Variants in FBXO27 observed in about 807,000 individuals in gnomAD.
FBXO27 encodes F-box only protein 27.
In FBXO27, 28 loss-of-function variants were observed where a neutral mutation model predicts 28.3. The ratio of observed to expected loss-of-function variants is 0.99; its 90% CI spans 0.73 to 1.36. The LOEUF is 1.36. Among genes scored for constraint, FBXO27 ranks in the 40% most tolerant of loss-of-function variants. The probability of loss-of-function intolerance (pLI) is 0.00; values close to 1 mark genes in which losing one functional copy is unlikely to be tolerated. For missense variants in FBXO27, 388 were observed against 394.1 expected, an observed-to-expected ratio of 0.98 and a Z score of 0.13; for synonymous variants, 175 against 167.3, an observed-to-expected ratio of 1.05 and a Z score of -0.36.
At chr19:39,028,815 A>G (rs2072886824) in intron 4 of FBXO27, among the ~76,000 whole-genome samples, 1 of 152,108 alleles carries the variant, frequency 6.6e-6, no homozygotes, top group African/African-American at 2.4e-5. Context: ...GTGAGCTGAG[A>G]TTGTGCCATT....
rs371209681 is a variant in FBXO27, at chr19:39,027,441, C to T, written c.573-436G>A. On this transcript the variant is annotated intron_variant, in intron 4 of 5. Transcript: ENST00000292853. ...TGAACTCCCTTGGTCAACAAAATTC[C>T]ATGCATCTTGTCACACATCAGTGCC... 9.5e-4 allele frequency among the ~76,000 whole-genome samples: 144 copies of T among 152,282 alleles called. No individual in the cohort carries two copies. The Middle Eastern group carries it at 0.017, about 18-fold the overall frequency.
intron 2 of FBXO27, among the ~76,000 whole-genome samples, chr19:39,006,611 A>T (rs566547254): frequency 2.0e-5 from 3 of 151,932 alleles, no homozygotes; most frequent in Non-Finnish European, 2.9e-5. Flanking sequence ...AACCACAGAG[A>T]TCTATCTTCG....
At chr19:39,031,541 C>T (rs2072903578) in intron 2 of FBXO27, 1 of 616,874 alleles carries the variant, frequency 1.6e-6, no homozygotes, top group African/African-American at 1.9e-5. Flanking sequence ...CCTCCAACCC[C>T]TCTCTCGGGC....
chr19:39,020,949 G>A (rs1285035083), downstream of FBXO27, among the ~76,000 whole-genome samples: 3 of 151,964 alleles, frequency 2.0e-5, no homozygotes, highest in African/African-American at 2.4e-5. Flanking sequence ...CCGCCTCCCG[G>A]GTTCAAGTGA....
rs763061503 is a variant in FBXO27, at chr19:39,032,174, C to G, written c.54G>C (p.Pro18=). Residue 18 remains proline, a synonymous_variant, in exon 2 of 6, where the codon CCG becomes CCC. Coordinates refer to ENST00000292853, the MANE Select transcript of FBXO27 (RefSeq NM_178820.5). The surrounding 1 kb of genome is among the most constrained non-coding windows in gnomAD (Gnocchi z 4.7). ...GRAARVPAPE[P]EPEEALDLSQ... is the part of the protein sequence containing the mutation. ...TCAGGTCCAGCGCCTCTTCGGGTTCCGGCTCCGGCGCGGGGACCCGGGCGG... is the reference window on the plus strand; with the variant it reads ...TCAGGTCCAGCGCCTCTTCGGGTTCGGGCTCCGGCGCGGGGACCCGGGCGG... 1.3e-6 allele frequency: 2 copies of G among 1,510,778 alleles called. No homozygotes were observed. Among genetic ancestry groups the G allele is most frequent in the Admixed American group, 2.2e-5 (1 of 45,048 alleles). 93.6% of individuals were successfully genotyped at this position (1,510,778 alleles called of 1,614,324 possible).
intron 2 of FBXO27, among the ~76,000 whole-genome samples, chr19:39,010,511 G>A (rs1032024357): frequency 1.3e-5 from 2 of 152,144 alleles, no homozygotes; most frequent in Non-Finnish European, 2.9e-5. Flanking sequence ...CCAGAGGCAG[G>A]GCTCGGACAC....
downstream of FBXO27, among the ~76,000 whole-genome samples, chr19:39,022,617 TTTTG>T (rs899696054): frequency 7.3e-5 from 11 of 151,466 alleles, no homozygotes; most frequent in Admixed American, 2.6e-4. Context: ...TGGCTAATTT[TTTTG>T]TTTGTTTGTC....
At chr19:39,020,466 C>T (rs904054025), downstream of FBXO27, among the ~76,000 whole-genome samples, 5 of 152,010 alleles carry the variant, frequency 3.3e-5, no homozygotes, top group African/African-American at 1.2e-4. Flanking sequence ...CACAGCATCT[C>T]TAATTCAGCC....
intron 1 of FBXO27, among the ~76,000 whole-genome samples, chr19:39,015,123 C>T (rs1336150118): frequency 6.6e-6 from 1 of 151,226 alleles, no homozygotes; most frequent in Non-Finnish European, 1.5e-5. Context: ...TGAGACCAGC[C>T]TGGGCAACGT....
At chr19:39,015,146 T>A (rs948895483) in intron 1 of FBXO27, among the ~76,000 whole-genome samples, 3 of 149,254 alleles carry the variant, frequency 2.0e-5, no homozygotes, top group African/African-American at 7.4e-5. Context: ...CAAAACCCCC[T>A]CTCTACAAAA....
downstream of FBXO27, among the ~76,000 whole-genome samples, chr19:39,020,081 A>C (rs1158283909): frequency 3.3e-5 from 5 of 152,202 alleles, no homozygotes; most frequent in Admixed American, 6.6e-5. Context: ...TGCAGACTAA[A>C]GTGCCCTATT....
intron 4 of FBXO27, among the ~76,000 whole-genome samples, chr19:39,029,458 AG>A (rs2072890845): frequency 6.7e-6 from 1 of 150,048 alleles, no homozygotes; most frequent in Non-Finnish European, 1.5e-5. Context: ...GAATTTGCTA[AG>A]GCCCCAAATT....
rs373360130 is a variant in FBXO27, at chr19:39,031,248, G to C, written c.437C>G (p.Pro146Arg). The C allele has an allele frequency of 1.2e-6, 2 of 1,614,034 alleles. No individual in the cohort carries two copies. The highest frequency in any genetic ancestry group is 2.7e-5 in the African/African-American group (2 of 74,936). The change falls in exon 3 of 6, where the codon CCT (proline) becomes CGT (arginine). Residue 146 changes from proline to arginine, a missense_variant. By Grantham distance (103) the Pro-to-Arg change is moderately radical (BLOSUM62 -2). Coordinates refer to ENST00000292853, the MANE Select transcript of FBXO27 (RefSeq NM_178820.5). ...GAAGCACGTCTGAGAAGGGGCCCCA[G>C]GCACGGTTGTCCTGTTTTCCTCCAC... ...WVVEENRTTV[P>R]GAPSQTCFVT...
chr19:39,027,822 T>C (rs1319261805), intron 4 of FBXO27, among the ~76,000 whole-genome samples: 2 of 152,046 alleles, frequency 1.3e-5, no homozygotes, highest in African/African-American at 2.4e-5. Context: ...TCAGATTTTG[T>C]TTTTAATTAT....
chr19:39,026,465 G>A (rs1052699041), intron 5 of FBXO27, among the ~76,000 whole-genome samples: 13 of 152,116 alleles, frequency 8.5e-5, no homozygotes, highest in African/African-American at 3.1e-4. Flanking sequence ...ACGAGAGGTA[G>A]TCAAATGACT....
rs771973559 is a variant in FBXO27, at chr19:39,025,427, C to T, written c.836G>A (p.Arg279Gln). 41 of 1,613,644 alleles carry T rather than the reference C, an allele frequency of 2.5e-5. No homozygotes were observed. Among genetic ancestry groups the T allele is most frequent in the East Asian group, 4.5e-5 (2 of 44,874 alleles). ...AGTGCTGGACTAGGACAGACGGACT[C>T]GCACGATCACACTGGAGTTGGTCAC... ...ARVTNSSVIV[R>Q]VRLS Residue 279 changes from arginine to glutamine, a missense_variant, in exon 6 of 6, where the codon CGA becomes CAA. Transcript: ENST00000292853.
Position 39,011,703 on chromosome 19 carries a change from G to C in FBXO27, c.252+2684C>G, listed in dbSNP as rs906657775. 3.4e-4 allele frequency among the ~76,000 whole-genome samples: 50 copies of C among 147,332 alleles called. 2 individuals carry two copies. The South Asian group carries it at 8.7e-3, about 26-fold the overall frequency. On this transcript the variant is annotated intron_variant, in intron 2 of 2. Transcript: ENST00000598394. ...TCGCAGAGATGGCGGCGGGGGAGGGGGGGTCTCCCTTTGTTGCCCCGGCTG... is the reference window on the plus strand; with the variant it reads ...TCGCAGAGATGGCGGCGGGGGAGGGCGGGTCTCCCTTTGTTGCCCCGGCTG...
intron 2 of FBXO27, among the ~76,000 whole-genome samples, chr19:39,014,104 G>A (rs997750902): frequency 3.3e-5 from 5 of 152,190 alleles, no homozygotes; most frequent in Admixed American, 1.3e-4. Context: ...TAGGTCCCAC[G>A]GAGGGTGCCC....
At chr19:39,009,856 C>G (rs1486579179) in intron 2 of FBXO27, among the ~76,000 whole-genome samples, 1 of 152,000 alleles carries the variant, frequency 6.6e-6, no homozygotes, top group Admixed American at 6.6e-5. Context: ...GTCCCTCAGG[C>G]TGGAGTGCAG....
Sources: gnomAD v4.1 joint callset for allele counts (sites outside exome capture counted in the v4.1 genomes callset) on GRCh38, gnomAD v4.1.1 for gene constraint, Gnocchi (gnomAD v3.1) non-coding constraint, MANE v1.5 for transcripts, NCBI Gene and HGNC (gene_info 2026-07-23, HGNC 2026-07-21) for gene names.